CYB5R1: variants seen among roughly 807,000 people sequenced by gnomAD.
CYB5R1 encodes cytochrome b5 reductase 1, also known as NADH-cytochrome b5 reductase 1.
CYB5R1 carries 32 observed loss-of-function variants against 37.4 expected under a neutral mutation model. The observed-to-expected ratio is 0.86, with a 90% CI of 0.65 to 1.15. CYB5R1 has a LOEUF of 1.15. Among genes scored for constraint, CYB5R1 ranks in the 50% most tolerant of loss-of-function variants. The pLI, the probability that CYB5R1 is intolerant of heterozygous loss-of-function variation, is 0.00. For missense variants in CYB5R1, 345 were observed against 382.5 expected (o/e 0.90, Z 0.82); for synonymous variants, 159 against 155.2 (o/e 1.02, Z -0.18).
At chr1:202,966,990 A>G in intron 1 of CYB5R1, 92 bp from the exon 2 acceptor site, 14 of 1,486,400 alleles carry the variant, frequency 9.4e-6, no homozygotes, top group Non-Finnish European at 1.3e-5. Context: ...CCCGAGCTCC[A>G]GCGCGGAGGC....
rs201406467 is a variant in CYB5R1 at position 202,966,557 on chromosome 1, G to A, written c.209C>T (p.Thr70Ile). ...AGGCAGCCCCAGAGTGTGGTGGGCG[G>A]TGGGCAGGGCAAAGCGGAACCTCTT... Reference protein sequence around the residue: ...NTKRFRFALPTAHHTLGLPVG... With the variant: ...NTKRFRFALPIAHHTLGLPVG... Residue 70 changes from threonine (T) to isoleucine (I), a missense_variant, in exon 3 of 9, where the codon ACC becomes ATC. Physicochemically the swap from Thr to Ile is moderately conservative, Grantham distance 89. Transcript: ENST00000367249. 1.9e-5 allele frequency: 30 copies of A among 1,614,106 alleles called. No individual in the cohort carries two copies. Among genetic ancestry groups the A allele is most frequent in the Non-Finnish European group, 2.5e-5 (30 of 1,180,044 alleles).
chr1:202,965,388 A>G lies in CYB5R1; in HGVS notation c.458T>C (p.Leu153Pro), dbSNP rs771025199. The change falls in exon 5 of 9, where the codon CTC becomes CCC. Residue 153 changes from leucine (L) to proline (P), a missense_variant. Coordinates refer to ENST00000367249, the MANE Select transcript of CYB5R1 (RefSeq NM_016243.3). ...VVEFRGPSGL[L>P]TYTGKGHFNI... ...GTCATTACCTTTTCCAGTGTAAGTGAGCAACCCGCTTGGCCCCCGAAACTC... is the reference window on the plus strand; with the variant it reads ...GTCATTACCTTTTCCAGTGTAAGTGGGCAACCCGCTTGGCCCCCGAAACTC... The G allele has an allele frequency of 2.0e-5, 32 of 1,598,074 alleles. No individual in the cohort carries two copies. The South Asian group carries it at 2.5e-4, about 12-fold the overall frequency.
intron 1 of CYB5R1, 105 bp downstream of exon 1, chr1:202,967,086 C>T: frequency 2.0e-6 from 3 of 1,484,398 alleles, no homozygotes; most frequent in Non-Finnish European, 2.8e-6. Flanking sequence ...GGGCCCAGAG[C>T]CCTGCGGGGC....
At chr1:202,962,900 G>A (rs762569843) in intron 8 of CYB5R1, 166 bp downstream of exon 8, 2 of 945,994 alleles carry the variant, frequency 2.1e-6, no homozygotes, top group South Asian at 2.7e-5. Flanking sequence ...TGGTAAACAG[G>A]AACCCAAAGG....
chr1:202,965,402 C>A lies in CYB5R1; in HGVS notation c.444G>T (p.Gly148=), dbSNP rs770048767. ...LKVGDVVEFR[G]PSGLLTYTGK... is the part of the protein sequence containing the mutation. ...CAGTGTAAGTGAGCAACCCGCTTGG[C>A]CCCCGAAACTCCACCACATCCCCAA... Residue 148 remains glycine, a synonymous_variant, in exon 5 of 9, where the codon GGG becomes GGT. Transcript: ENST00000367249. 6.2e-7 allele frequency: 1 copy of A among 1,600,294 alleles called. No individual in the cohort carries two copies. Among genetic ancestry groups the A allele is most frequent in the Admixed American group, 1.7e-5 (1 of 57,618 alleles).
Position 202,963,374 on chromosome 1 carries a change from T to C in CYB5R1, c.646-209A>G, listed in dbSNP as rs1655031626. 6.7e-6 allele frequency: 4 copies of C among 593,772 alleles called. No individual in the cohort carries two copies. The Admixed American group carries it at 1.2e-4, about 18-fold the overall frequency. The allele number at this position is 593,772 out of a possible 1,614,324, so 36.8% of individuals were successfully genotyped here. ...TCTACACATTATGAAGGAACAAAGATGAATATTTAACCAAGAAGATCTAAG... is the reference window on the plus strand; with the variant it reads ...TCTACACATTATGAAGGAACAAAGACGAATATTTAACCAAGAAGATCTAAG... On this transcript the variant is annotated intron_variant, in intron 7 of 8. Coordinates refer to ENST00000367249, the MANE Select transcript of CYB5R1 (RefSeq NM_016243.3).
At chr1:202,962,912 A>G (rs751395799) in intron 8 of CYB5R1, 154 bp downstream of exon 8, 25 of 955,846 alleles carry the variant, frequency 2.6e-5, no homozygotes, top group Middle Eastern at 2.1e-4. Context: ...ACCCAAAGGA[A>G]AGGGACCAGG....
chr1:202,963,699 CCGGATCAGCTGT>C lies in CYB5R1; in HGVS notation c.576_587del (p.Gln193_Arg196del). The C allele has an allele frequency of 6.2e-7, 1 of 1,610,156 alleles. No individual in the cohort carries two copies. Among genetic ancestry groups the C allele is most frequent in the Admixed American group, 1.7e-5 (1 of 59,632 alleles). ...GATCTTCAGGGACTTTCAGGATGGC[CCGGATCAGCTGT>C]AGCATTGGGGTGATTCCTGCATGAA... is the stretch of plus-strand genomic sequence containing the variant. On this transcript the variant is annotated inframe_deletion, in exon 7 of 9. Transcript: ENST00000367249.
In CYB5R1 at chr1:202,966,612, A is replaced by AG; in HGVS notation, c.166-13dup. On this transcript the variant is annotated splice_polypyrimidine_tract_variant and intron_variant, in intron 2 of 8. Transcript: ENST00000367249. ...TTGTGGCTCACAGTCTGGAGGGTGG[A>AG]GGACACAAGTGTTTCACCAAGCGCG... is the stretch of plus-strand genomic sequence containing the variant. 1 of 1,614,186 alleles carries AG rather than the reference A, an allele frequency of 6.2e-7. No homozygotes were observed. Among genetic ancestry groups the AG allele is most frequent in the Non-Finnish European group, 8.5e-7 (1 of 1,180,024 alleles).
At position 202,964,621 on chromosome 1, in the gene CYB5R1, CG is replaced by C; in HGVS notation, c.549del (p.Gly184AlafsTer11). On this transcript the variant is annotated frameshift_variant, in exon 6 of 9. Coordinates refer to ENST00000367249, the MANE Select transcript of CYB5R1 (RefSeq NM_016243.3). LOFTEE classifies it high-confidence loss of function. ...PRVAKKLGMIAGGTGITPMLQ... is the reference protein window; with the variant it reads ...PRVAKKLGMIXGGTGITPMLQ... ...CCTCAGTGTAATGCACCTGTCCCGC[CG>C]GCAATCATTCCCAGTTTCTTCGCCA... 1 of 1,612,544 alleles carries C rather than the reference CG, an allele frequency of 6.2e-7. No homozygotes were observed. Among genetic ancestry groups the C allele is most frequent in the Non-Finnish European group, 8.5e-7 (1 of 1,178,826 alleles).
Position 202,967,224 on chromosome 1 carries a change from C to A in CYB5R1, c.-19G>T. On this transcript the variant is annotated 5_prime_UTR_variant, in exon 1 of 9. Transcript: ENST00000367249. ...TCCCCATGACGGAGCGCCTTTTCCT[C>A]CACCACCTGACAAGCCGACAGATCC... 1 of 1,610,900 alleles carries A rather than the reference C, an allele frequency of 6.2e-7. No homozygotes were observed. Among genetic ancestry groups the A allele is most frequent in the Non-Finnish European group, 8.5e-7 (1 of 1,178,788 alleles).
At chr1:202,965,636 TC>T (rs56932949) in intron 4 of CYB5R1, 136 bp from the exon 5 acceptor site, 355,842 of 761,978 alleles carry the variant, frequency 0.47, 53,075 homozygotes, top group East Asian at 0.57. Flanking sequence ...TTTCTTTCTT[TC>T]TTTTTTTTTT....
chr1:202,964,851 T>C lies in CYB5R1; in HGVS notation c.476-156A>G, dbSNP rs140985845. 1.4e-5 allele frequency: 9 copies of C among 657,278 alleles called. No homozygotes were observed. The East Asian group carries it at 1.4e-4, about 10-fold the overall frequency. 40.7% of individuals were successfully genotyped at this position (657,278 alleles called of 1,614,324 possible). A position where few individuals can be genotyped will look rare whatever the true frequency, so the allele number is the denominator to read the frequency against. ...GTGGAAGCTTGAGTTGAGCCAGCCC[T>C]GACAATAATATAGTTGAGGGACAAT... On this transcript the variant is annotated intron_variant, in intron 5 of 8. Transcript: ENST00000367249.
At chr1:202,964,860 T>C in intron 5 of CYB5R1, 165 bp from the exon 6 acceptor site, 1 of 642,806 alleles carries the variant, frequency 1.6e-6, no homozygotes, top group Admixed American at 2.3e-5. Flanking sequence ...CTGACAATAA[T>C]ATAGTTGAGG....
intron 8 of CYB5R1, 148 bp downstream of exon 8, chr1:202,962,917 AC>A: frequency 1.1e-6 from 1 of 952,212 alleles, no homozygotes; most frequent in Non-Finnish European, 1.7e-6. Context: ...AAGGAAAGGG[AC>A]CAGGAGATCA....
rs1411834861 is a variant in CYB5R1 at position 202,962,708 on chromosome 1, T to C, written c.746-9A>G. 6.2e-7 allele frequency: 1 copy of C among 1,613,964 alleles called. No individual in the cohort carries two copies. The highest frequency in any genetic ancestry group is 8.5e-7 in the Non-Finnish European group (1 of 1,179,972). On this transcript the variant is annotated splice_polypyrimidine_tract_variant and intron_variant, in intron 8 of 8. Transcript: ENST00000367249. ...CTTGCTGTAGGCCCAATCTGAAGTA[T>C]GGGGAGAAGAAAGTACTTAATACTC...
chr1:202,964,402 T>C (rs1487999576), intron 6 of CYB5R1: 1 of 579,206 alleles, frequency 1.7e-6, no homozygotes, highest in Admixed American at 3.0e-5. Context: ...CTCATTTAAT[T>C]TGTTTCTCTA....
At chr1:202,965,032 C>A in intron 5 of CYB5R1, 1 of 425,782 alleles carries the variant, frequency 2.3e-6, no homozygotes. Flanking sequence ...TGCTAATGCA[C>A]CCAGCTGTTC....
At position 202,966,823 on chromosome 1, in the gene CYB5R1, G is replaced by A. The variant is rs766821819; in HGVS notation, c.91C>T (p.Arg31Trp). ...GTGACCTGAGGCCGGCGGGACCTCC[G>A]AACCAAGTAGGAGCCCACAGCCAGG... ...LGLAVGSYLV[R>W]RSRRPQVTLL... Residue 31 changes from arginine (R) to tryptophan (W), a missense_variant, in exon 2 of 9, where the codon CGG becomes TGG. Coordinates refer to ENST00000367249, the MANE Select transcript of CYB5R1 (RefSeq NM_016243.3). 7 of 1,614,070 alleles carry A rather than the reference G, an allele frequency of 4.3e-6. No homozygotes were observed. In the South Asian group the frequency reaches 6.6e-5, roughly 15 times the overall value.
Sources: gnomAD v4.1 joint callset for allele counts on GRCh38, gnomAD v4.1.1 for gene constraint, MANE v1.5 for transcripts, NCBI Gene and HGNC (gene_info 2026-07-23, HGNC 2026-07-21) for gene names.